The following ASTN2 variants were observed in gnomAD, a reference collection of about 807,000 sequenced individuals.
ASTN2 encodes astrotactin-2.
ASTN2 carries 54 observed loss-of-function variants against 139.8 expected under a neutral mutation model. The observed-to-expected ratio is 0.39, with a 90% CI of 0.31 to 0.48. The LOEUF is 0.48. ASTN2 is among the 20% of genes least tolerant of loss of function. The pLI is 0.95. For synonymous variants in ASTN2, 756 were observed against 719.5 expected (o/e 1.05, Z -0.81); for missense variants, 1,565 against 1,725.1 (o/e 0.91, Z 1.64).
chr9:116,558,388 A>G (rs975136380), intron 19 of ASTN2, among the ~76,000 whole-genome samples: 20 of 151,980 alleles, frequency 1.3e-4, no homozygotes, highest in Non-Finnish European at 2.6e-4. Flanking sequence ...ACTGCACTGA[A>G]GAGAAAAAGA....
At chr9:116,925,822 TC>T (rs1834737107) in intron 10 of ASTN2, among the ~76,000 whole-genome samples, 1 of 151,624 alleles carries the variant, frequency 6.6e-6, no homozygotes, top group African/African-American at 2.4e-5. Context: ...CCCTGAACTA[TC>T]CCTGTCCTGC....
intron 1 of ASTN2, among the ~76,000 whole-genome samples, chr9:117,398,239 A>G (rs1439243146): frequency 6.6e-6 from 1 of 152,204 alleles, no homozygotes; most frequent in East Asian, 1.9e-4. Flanking sequence ...TATAAGACGG[A>G]CAGTAAGATT....
chr9:117,000,386 A>C lies in ASTN2; in HGVS notation c.1591+7706T>G, dbSNP rs78852515. Among the ~76,000 whole-genome samples the C allele has an allele frequency of 2.7e-3, 413 of 152,320 alleles. 9 individuals are homozygous for C. The East Asian group carries it at 0.067, about 25-fold the overall frequency. ...CACTACATGCTTGAATGAATGAATAAACATATGAAAGAATGAGTTAGTGTT... is the reference window on the plus strand; with the variant it reads ...CACTACATGCTTGAATGAATGAATACACATATGAAAGAATGAGTTAGTGTT... On this transcript the variant is annotated intron_variant, in intron 7 of 22. Coordinates refer to ENST00000313400, the MANE Select transcript of ASTN2 (RefSeq NM_001365068.1).
intron 20 of ASTN2, among the ~76,000 whole-genome samples, chr9:116,461,206 T>C (rs957817551): frequency 1.3e-5 from 2 of 151,086 alleles, no homozygotes; most frequent in Non-Finnish European, 2.9e-5. Flanking sequence ...TATAATCTTC[T>C]AATATATTAT....
At chr9:116,494,209 T>G (rs1474082039) in intron 19 of ASTN2, among the ~76,000 whole-genome samples, 1 of 152,090 alleles carries the variant, frequency 6.6e-6, no homozygotes, top group Non-Finnish European at 1.5e-5. Context: ...CACCTAGTTT[T>G]GAAGCCAGAC....
At chr9:117,359,163 G>GT (rs1443221928) in intron 1 of ASTN2, among the ~76,000 whole-genome samples, 1 of 152,090 alleles carries the variant, frequency 6.6e-6, no homozygotes, top group African/African-American at 2.4e-5. Flanking sequence ...CCTCTTTCCT[G>GT]TTCTGTACCT....
At chr9:116,542,328 T>C (rs976689397) in intron 19 of ASTN2, among the ~76,000 whole-genome samples, 10 of 151,940 alleles carry the variant, frequency 6.6e-5, no homozygotes, top group Non-Finnish European at 1.0e-4. Flanking sequence ...TAACATAAAC[T>C]TTTAGTGGTT....
intron 5 of ASTN2, among the ~76,000 whole-genome samples, chr9:117,049,179 G>A (rs1460057057): frequency 6.6e-6 from 1 of 151,946 alleles, no homozygotes; most frequent in East Asian, 1.9e-4. Flanking sequence ...TGTTGCACAG[G>A]ATGGTTATTG....
chr9:117,276,094 G>A (rs1375021509), intron 2 of ASTN2, among the ~76,000 whole-genome samples: 3 of 152,202 alleles, frequency 2.0e-5, no homozygotes, highest in African/African-American at 7.2e-5. Flanking sequence ...AATGTTAGTT[G>A]GTCAAGAGCA....
chr9:117,201,259 C>A (rs1431971536), intron 3 of ASTN2, among the ~76,000 whole-genome samples: 1 of 151,748 alleles, frequency 6.6e-6, no homozygotes, highest in Non-Finnish European at 1.5e-5. Flanking sequence ...TTTGATTCTT[C>A]TCTCTGTTCT....
At chr9:116,625,213 G>A (rs1032938252) in intron 17 of ASTN2, among the ~76,000 whole-genome samples, 8 of 152,060 alleles carry the variant, frequency 5.3e-5, no homozygotes, top group South Asian at 2.1e-4. Context: ...GGTGGATCAC[G>A]AGGTCAGGAG....
chr9:116,658,650 A>T (rs540257368), intron 16 of ASTN2, among the ~76,000 whole-genome samples: 1 of 152,010 alleles, frequency 6.6e-6, no homozygotes, highest in East Asian at 1.9e-4. Context: ...GGCCAGCTTT[A>T]TAAAGATGCC....
intron 5 of ASTN2, among the ~76,000 whole-genome samples, chr9:117,065,468 C>A (rs1485853272): frequency 6.6e-6 from 1 of 152,142 alleles, no homozygotes; most frequent in South Asian, 2.1e-4. Context: ...TTGCACAAAC[C>A]TCTTTGATGT....
Position 117,186,414 on chromosome 9 carries a change from G to A in ASTN2, c.1015+27944C>T, listed in dbSNP as rs545536177. On this transcript the variant is annotated intron_variant, in intron 3 of 22. Transcript: ENST00000313400. ...TACAAAAAATTAGCCGGGTGTGGTG[G>A]CGGGCGCCTGTAGTCCCAGCTACTC... Among the ~76,000 whole-genome samples the A allele has an allele frequency of 2.5e-4, 38 of 152,190 alleles. 1 individual carries two copies. In the South Asian group the frequency reaches 7.3e-3, roughly 29 times the overall value.
chr9:116,568,752 A>T (rs1182537879), intron 19 of ASTN2: 2 of 152,224 alleles, frequency 1.3e-5, no homozygotes, highest in African/African-American at 4.8e-5. Context: ...TTGATGGGGG[A>T]TCAGGACCAC....
chr9:117,065,633 C>A (rs1048871521), intron 5 of ASTN2, among the ~76,000 whole-genome samples: 2 of 152,162 alleles, frequency 1.3e-5, no homozygotes, highest in East Asian at 1.9e-4. Context: ...TACATTTGGT[C>A]CATACAGGTG....
chr9:116,707,998 C>A (rs1319212633), intron 16 of ASTN2, among the ~76,000 whole-genome samples: 2 of 152,136 alleles, frequency 1.3e-5, no homozygotes, highest in Non-Finnish European at 2.9e-5. Context: ...ATGCTCTAAC[C>A]CAATGAGTAA....
intron 19 of ASTN2, among the ~76,000 whole-genome samples, chr9:116,536,968 G>A (rs938681363): frequency 6.6e-6 from 1 of 152,220 alleles, no homozygotes; most frequent in Admixed American, 6.5e-5. Context: ...AGTCTACAGA[G>A]GCAGGCAGGC....
chr9:116,659,289 C>A (rs576777015), intron 16 of ASTN2, among the ~76,000 whole-genome samples: 1 of 152,152 alleles, frequency 6.6e-6, no homozygotes, highest in South Asian at 2.1e-4. Context: ...ATTTGCATTC[C>A]AAGCACAGAG....
Sources: gnomAD v4.1 joint callset for allele counts (sites outside exome capture counted in the v4.1 genomes callset) on GRCh38, gnomAD v4.1.1 for gene constraint, MANE v1.5 for transcripts, NCBI Gene and HGNC (gene_info 2026-07-23, HGNC 2026-07-21) for gene names.